Variants in STK3 observed in about 807,000 individuals in gnomAD.
STK3 encodes the protein serine/threonine-protein kinase 3.
In STK3, 41 loss-of-function variants were observed where a neutral mutation model predicts 58.0. The observed-to-expected ratio is 0.71, with a 90% CI of 0.55 to 0.92. The LOEUF (loss-of-function observed/expected upper bound fraction) is 0.92, where lower values mean the gene tolerates loss of function less well. STK3 is among the 40% of genes least tolerant of loss of function. The pLI is 0.00. For missense variants in STK3, 479 were observed against 602.7 expected, an observed-to-expected ratio of 0.79 and a Z score of 2.15; for synonymous variants, 170 against 191.0, an observed-to-expected ratio of 0.89 and a Z score of 0.91.
chr8:98,411,007 C>T (rs1369604055), intron 3 of STK3, among the ~76,000 whole-genome samples: 1 of 152,154 alleles, frequency 6.6e-6, no homozygotes, highest in Non-Finnish European at 1.5e-5. Flanking sequence ...CCATCACCAC[C>T]CCCCAGAAAG....
At chr8:98,796,817 A>G (rs1443271247) in intron 1 of STK3, among the ~76,000 whole-genome samples, 1 of 152,274 alleles carries the variant, frequency 6.6e-6, no homozygotes, top group Non-Finnish European at 1.5e-5. Flanking sequence ...AACTTTCATC[A>G]AAAGAAGACA....
At chr8:98,596,425 A>C (rs1410376117) in intron 6 of STK3, 2 of 310,482 alleles carry the variant, frequency 6.4e-6, no homozygotes, top group Non-Finnish European at 1.2e-5. Context: ...ACTTTTTTTT[A>C]TCAGTCTCTA....
intron 8 of STK3, among the ~76,000 whole-genome samples, chr8:98,569,568 A>G (rs557914447): frequency 1.6e-4 from 24 of 152,268 alleles, no homozygotes; most frequent in Non-Finnish European, 2.8e-4. Flanking sequence ...TTGGGAATAT[A>G]GCATTTGGGA....
At chr8:98,716,539 A>T (rs1827030073) in intron 4 of STK3, among the ~76,000 whole-genome samples, 1 of 152,174 alleles carries the variant, frequency 6.6e-6, no homozygotes, top group Non-Finnish European at 1.5e-5. Flanking sequence ...GGACATTAAT[A>T]AATAAAAACC....
intron 3 of STK3, among the ~76,000 whole-genome samples, chr8:98,412,306 G>C (rs1394176414): frequency 6.6e-6 from 1 of 152,198 alleles, no homozygotes; most frequent in African/African-American, 2.4e-5. Flanking sequence ...GGCTGCGTTA[G>C]AGTTGCAAAC....
intron 1 of STK3, among the ~76,000 whole-genome samples, chr8:98,803,852 A>T (rs2131638948): frequency 6.6e-6 from 1 of 152,302 alleles, no homozygotes; most frequent in Non-Finnish European, 1.5e-5. Flanking sequence ...GGGTAATCCA[A>T]AGAAAATTAA....
At chr8:98,473,351 C>T (rs1392393852) in intron 10 of STK3, among the ~76,000 whole-genome samples, 4 of 152,130 alleles carry the variant, frequency 2.6e-5, no homozygotes, top group African/African-American at 9.7e-5. Flanking sequence ...TCTTGTGCAT[C>T]TTCAAACTCT....
At chr8:98,620,268 A>C (rs934487854) in intron 6 of STK3, among the ~76,000 whole-genome samples, 4 of 117,984 alleles carry the variant, frequency 3.4e-5, no homozygotes, top group Non-Finnish European at 6.8e-5. Context: ...TTGAACAATG[A>C]GATCACATGG....
chr8:98,665,015 T>C (rs1470423542), intron 6 of STK3, among the ~76,000 whole-genome samples: 3 of 152,158 alleles, frequency 2.0e-5, no homozygotes, highest in Admixed American at 1.3e-4. Flanking sequence ...ATTCTTATAA[T>C]TGTATGTACT....
At chr8:98,837,363 CAAAA>C (rs533620773) in intron 3 of STK3, among the ~76,000 whole-genome samples, 4 of 63,310 alleles carry the variant, frequency 6.3e-5, no homozygotes, top group African/African-American at 5.9e-5. Flanking sequence ...TGGAGCTCAG[CAAAA>C]AAAAAAAAAA....
the STK3 span, among the ~76,000 whole-genome samples, chr8:98,349,547 A>C: frequency 6.6e-6 from 1 of 152,168 alleles, no homozygotes; most frequent in African/African-American, 2.4e-5. Flanking sequence ...GGGACTCTCT[A>C]TGGGGGACCC....
intron 10 of STK3, among the ~76,000 whole-genome samples, chr8:98,456,717 C>T (rs2131140674): frequency 6.6e-6 from 1 of 152,284 alleles, no homozygotes; most frequent in Admixed American, 6.5e-5. Flanking sequence ...TGGGATGTGC[C>T]ACTGCACCCA....
chr8:98,641,600 G>T (rs1409914135), intron 6 of STK3, among the ~76,000 whole-genome samples: 1 of 152,096 alleles, frequency 6.6e-6, no homozygotes, highest in Non-Finnish European at 1.5e-5. Context: ...CCTGTGCTGT[G>T]CTCCACACTA....
At chr8:98,667,833 TA>T (rs984599933) in intron 6 of STK3, among the ~76,000 whole-genome samples, 3 of 152,018 alleles carry the variant, frequency 2.0e-5, no homozygotes, top group Non-Finnish European at 2.9e-5. Flanking sequence ...TCTTCAATGT[TA>T]AAAAAATCCA....
intron 1 of STK3, among the ~76,000 whole-genome samples, chr8:98,895,407 T>A (rs148093397): frequency 6.6e-6 from 1 of 152,280 alleles, no homozygotes; most frequent in Non-Finnish European, 1.5e-5. Context: ...TGTCTATGTA[T>A]CTAACACTCC....
At chr8:98,907,276 G>A (rs1838949433) in intron 1 of STK3, among the ~76,000 whole-genome samples, 1 of 152,176 alleles carries the variant, frequency 6.6e-6, no homozygotes, top group Non-Finnish European at 1.5e-5. Flanking sequence ...CACTTTGGGA[G>A]GCTGAGGCTG....
At chr8:98,656,094 A>C (rs548947693) in intron 6 of STK3, among the ~76,000 whole-genome samples, 2 of 152,372 alleles carry the variant, frequency 1.3e-5, no homozygotes, top group African/African-American at 4.8e-5. Flanking sequence ...CTAAATGTCC[A>C]ACAATGATAG....
At chr8:98,478,839 C>G (rs1387268818) in intron 10 of STK3, among the ~76,000 whole-genome samples, 1 of 152,178 alleles carries the variant, frequency 6.6e-6, no homozygotes, top group Admixed American at 6.5e-5. Context: ...TCATGCACCA[C>G]ATGCCCACAT....
intron 3 of STK3, among the ~76,000 whole-genome samples, chr8:98,838,862 C>T (rs1249599054): frequency 1.3e-5 from 2 of 152,030 alleles, no homozygotes; most frequent in Non-Finnish European, 1.5e-5. Flanking sequence ...TCTCCCTCCC[C>T]GCAATCCCGC....
Sources: allele counts gnomAD v4.1 joint callset (sites outside exome capture counted in the v4.1 genomes callset), GRCh38; gene constraint gnomAD v4.1.1; transcripts MANE v1.5; gene names NCBI Gene and HGNC (gene_info 2026-07-23, HGNC 2026-07-21).